The following LMX1A variants were observed in gnomAD, a reference collection of about 807,000 sequenced individuals.
LMX1A encodes LIM homeobox transcription factor 1 alpha.
A neutral mutation model predicts 49.1 loss-of-function variants in LMX1A; 15 were observed. The ratio of observed to expected loss-of-function variants is 0.31; its 90% CI spans 0.20 to 0.47. LMX1A has a LOEUF of 0.47. LMX1A is among the 20% of genes least tolerant of loss of function. LMX1A has a pLI of 1.00. For missense variants in LMX1A, 372 were observed against 475.8 expected (o/e 0.78, Z 2.03); for synonymous variants, 167 against 185.7 (o/e 0.90, Z 0.82).
At chr1:165,256,308 C>A (rs1557864995) in intron 3 of LMX1A, among the ~76,000 whole-genome samples, 1 of 152,126 alleles carries the variant, frequency 6.6e-6, no homozygotes, top group Non-Finnish European at 1.5e-5. Context: ...CAAGGGACCT[C>A]AGAAAAGCCA....
intron 3 of LMX1A, among the ~76,000 whole-genome samples, chr1:165,261,717 A>T (rs992180853): frequency 3.3e-5 from 5 of 152,210 alleles, no homozygotes; most frequent in Non-Finnish European, 7.3e-5. Flanking sequence ...AAAAAGGAAG[A>T]AAATTCTAAC....
At chr1:165,217,923 A>G (rs1651701153) in intron 4 of LMX1A, among the ~76,000 whole-genome samples, 1 of 152,186 alleles carries the variant, frequency 6.6e-6, no homozygotes, top group African/African-American at 2.4e-5. Flanking sequence ...GAAGCACTTC[A>G]TGCTCTAGAG....
At chr1:165,229,989 T>C (rs1652183395) in intron 4 of LMX1A, among the ~76,000 whole-genome samples, 1 of 152,184 alleles carries the variant, frequency 6.6e-6, no homozygotes, top group Non-Finnish European at 1.5e-5. Flanking sequence ...TTGGAGGTCA[T>C]TAGGTCATAA....
chr1:165,344,596 T>C (rs1571234510), intron 3 of LMX1A, among the ~76,000 whole-genome samples: 1 of 152,116 alleles, frequency 6.6e-6, no homozygotes, highest in African/African-American at 2.4e-5. Flanking sequence ...GGCAGGTGTG[T>C]CCATAAAAAT....
chr1:165,286,145 C>G (rs1282895997), intron 3 of LMX1A, among the ~76,000 whole-genome samples: 2 of 152,186 alleles, frequency 1.3e-5, no homozygotes, highest in Non-Finnish European at 2.9e-5. Context: ...AATGAACAAC[C>G]TGCTACTTAA....
chr1:165,299,841 T>A (rs1654726664), intron 3 of LMX1A, among the ~76,000 whole-genome samples: 1 of 150,644 alleles, frequency 6.6e-6, no homozygotes, highest in Non-Finnish European at 1.5e-5. Context: ...CTGCAAGAGG[T>A]GGCAGTTAGT....
At chr1:165,280,288 G>C (rs1654107691) in intron 3 of LMX1A, among the ~76,000 whole-genome samples, 1 of 152,030 alleles carries the variant, frequency 6.6e-6, no homozygotes, top group African/African-American at 2.4e-5. Context: ...CCTCACCTCG[G>C]ACTCAGGGAG....
intron 8 of LMX1A, among the ~76,000 whole-genome samples, chr1:165,205,249 C>T (rs1651026489): frequency 6.6e-6 from 1 of 152,188 alleles, no homozygotes; most frequent in Non-Finnish European, 1.5e-5. Flanking sequence ...CAGCCCCCTA[C>T]TCTGGGTCCT....
At chr1:165,314,806 T>G (rs933208745) in intron 3 of LMX1A, among the ~76,000 whole-genome samples, 1 of 152,204 alleles carries the variant, frequency 6.6e-6, no homozygotes, top group Admixed American at 6.5e-5. Context: ...TTACTCATAC[T>G]AAGCACCCAA....
chr1:165,320,317 G>T (rs193203740), intron 3 of LMX1A, among the ~76,000 whole-genome samples: 2 of 152,316 alleles, frequency 1.3e-5, no homozygotes, highest in East Asian at 1.9e-4. Context: ...GTGCCACAAA[G>T]AAGTCAATGT....
In LMX1A at chr1:165,213,927, G is replaced by C. The variant is rs1266232466; in HGVS notation, c.497-114C>G. ...ATTTCCAGGATGGCTTTATGTATGA[G>C]AGCAATAATCTATGTGGTATTGCTT... On this transcript the variant is annotated intron_variant, in intron 4 of 8. Coordinates refer to ENST00000342310, the MANE Select transcript of LMX1A (RefSeq NM_177398.4). 5 of 879,664 alleles carry C rather than the reference G, an allele frequency of 5.7e-6. No homozygotes were observed. In the African/African-American group the frequency reaches 8.4e-5, roughly 15 times the overall value. 54.5% of individuals were successfully genotyped at this position (879,664 alleles called of 1,614,324 possible).
At chr1:165,339,528 A>G (rs989374919) in intron 3 of LMX1A, among the ~76,000 whole-genome samples, 3 of 152,314 alleles carry the variant, frequency 2.0e-5, no homozygotes, top group Admixed American at 2.0e-4. Flanking sequence ...GATGACTGGT[A>G]TCTGAAGAAG....
At chr1:165,247,424 CTATACCAAGTG>C (rs1186399180) in intron 4 of LMX1A, among the ~76,000 whole-genome samples, 1 of 152,150 alleles carries the variant, frequency 6.6e-6, no homozygotes, top group Admixed American at 6.5e-5. Flanking sequence ...ATTGGCCTTT[CTATACCAAGTG>C]TATACCCATT....
At chr1:165,302,732 T>C (rs1465463554) in intron 3 of LMX1A, among the ~76,000 whole-genome samples, 2 of 152,258 alleles carry the variant, frequency 1.3e-5, no homozygotes, top group Non-Finnish European at 2.9e-5. Context: ...TGCTGTCTAA[T>C]TGCTCAATGA....
rs146185645 is a variant in LMX1A, at chr1:165,309,393, G to A, written c.263+43683C>T. Among the ~76,000 whole-genome samples, 525 of 152,330 alleles carry A rather than the reference G, an allele frequency of 3.4e-3. 1 individual carries two copies. The highest frequency in any genetic ancestry group is 0.01 in the Middle Eastern group (3 of 294). ...CAGTGGCAAAACTGAGGAAGTCCTG[G>A]TGGGGGGCTGGAGGGCAGACTGTCA... On this transcript the variant is annotated intron_variant, in intron 3 of 8. Coordinates refer to ENST00000342310, the MANE Select transcript of LMX1A (RefSeq NM_177398.4).
chr1:165,287,645 G>C (rs1032587914), intron 3 of LMX1A, among the ~76,000 whole-genome samples: 1 of 152,076 alleles, frequency 6.6e-6, no homozygotes, highest in Non-Finnish European at 1.5e-5. Flanking sequence ...GGCCACACCA[G>C]CCCTGTGAGC....
At chr1:165,254,158 C>T (rs553009892) in intron 3 of LMX1A, among the ~76,000 whole-genome samples, 2 of 152,338 alleles carry the variant, frequency 1.3e-5, no homozygotes, top group East Asian at 3.9e-4. Flanking sequence ...GCTGCAACAG[C>T]AGGTGGTAGC....
intron 3 of LMX1A, among the ~76,000 whole-genome samples, chr1:165,294,251 C>T (rs565322483): frequency 1.3e-5 from 2 of 152,342 alleles, no homozygotes; most frequent in South Asian, 4.1e-4. Context: ...AGCCCAGGCT[C>T]TTTCAGCTGA....
rs543874146 is a variant in LMX1A at position 165,280,556 on chromosome 1, G to A, written c.264-30916C>T. Among the ~76,000 whole-genome samples, 5 of 152,282 alleles carry A rather than the reference G, an allele frequency of 3.3e-5. No homozygotes were observed. In the South Asian group the frequency reaches 1.0e-3, roughly 32 times the overall value. ...TTCTACAGTCCCAAAAATTCAACTT[G>A]AGGAATTTTCTTTGGCTTTGCGACC... On this transcript the variant is annotated intron_variant, in intron 3 of 8. Transcript: ENST00000342310.
Sources: gnomAD v4.1 joint callset for allele counts (sites outside exome capture counted in the v4.1 genomes callset) on GRCh38, gnomAD v4.1.1 for gene constraint, MANE v1.5 for transcripts, NCBI Gene and HGNC (gene_info 2026-07-23, HGNC 2026-07-21) for gene names.